PLCL2: variants seen among roughly 807,000 people sequenced by gnomAD.
PLCL2 encodes phospholipase C like 2.
In PLCL2, 4 loss-of-function variants were observed where a neutral mutation model predicts 79.6. The observed-to-expected ratio is 0.05, with a 90% CI of 0.02 to 0.11. PLCL2 has a LOEUF of 0.11. PLCL2 is among the 10% of genes least tolerant of loss of function. The pLI is 1.00. For missense variants in PLCL2, 895 were observed against 1,291.0 expected, an observed-to-expected ratio of 0.69 and a Z score of 4.70; for synonymous variants, 484 against 457.7, an observed-to-expected ratio of 1.06 and a Z score of -0.73.
At chr3:16,901,207 T>A (rs1295642295) in intron 1 of PLCL2, among the ~76,000 whole-genome samples, 1 of 152,226 alleles carries the variant, frequency 6.6e-6, no homozygotes, top group Non-Finnish European at 1.5e-5. Context: ...CAACAGTATC[T>A]CCCCTGGCCA....
intron 1 of PLCL2, among the ~76,000 whole-genome samples, chr3:16,971,673 A>G (rs543219376): frequency 1.3e-5 from 2 of 152,128 alleles, no homozygotes; most frequent in Non-Finnish European, 2.9e-5. Flanking sequence ...GATTCTTCCT[A>G]CCCATGAGCA....
At position 17,090,034 on chromosome 3, in the gene PLCL2, A is replaced by G. The variant is rs2065257765; in HGVS notation, c.*122A>G. Reference sequence around the variant, plus strand: ...CGGGATTTTAAAGCACAACTGGAATAGCTAATTACAGTCTATTAAAACTGT... The same window carrying G: ...CGGGATTTTAAAGCACAACTGGAATGGCTAATTACAGTCTATTAAAACTGT... On this transcript the variant is annotated 3_prime_UTR_variant, in exon 6 of 6. Coordinates refer to ENST00000615277, the MANE Select transcript of PLCL2 (RefSeq NM_001144382.2). 6.3e-6 allele frequency: 9 copies of G among 1,418,984 alleles called. No homozygotes were observed. Among genetic ancestry groups the G allele is most frequent in the Non-Finnish European group, 8.3e-6 (9 of 1,083,104 alleles). 87.9% of individuals were successfully genotyped at this position (1,418,984 alleles called of 1,614,324 possible). A position where few individuals can be genotyped will look rare whatever the true frequency, so the allele number is the denominator to read the frequency against.
intron 4 of PLCL2, among the ~76,000 whole-genome samples, chr3:17,052,253 AT>A (rs2064849183): frequency 1.0e-5 from 1 of 99,998 alleles, no homozygotes. Context: ...AAAAAAAAAA[AT>A]TGGGGGGGGG....
chr3:16,991,523 C>G (rs2064105226), intron 1 of PLCL2, among the ~76,000 whole-genome samples: 1 of 152,036 alleles, frequency 6.6e-6, no homozygotes, highest in African/African-American at 2.4e-5. Context: ...CTTTTTAATT[C>G]TTAAAGAAAA....
At chr3:17,045,690 G>T (rs111679589) in intron 4 of PLCL2, among the ~76,000 whole-genome samples, 123 of 152,260 alleles carry the variant, frequency 8.1e-4, no homozygotes, top group African/African-American at 2.8e-3. Context: ...AAACCATGTT[G>T]CTAGGAGTAT....
intron 1 of PLCL2, among the ~76,000 whole-genome samples, chr3:17,001,746 G>T (rs2064213366): frequency 6.6e-6 from 1 of 151,996 alleles, no homozygotes; most frequent in African/African-American, 2.4e-5. Flanking sequence ...TGCTGTTTTG[G>T]TTACTATAGC....
At chr3:16,986,118 A>G (rs2064048243) in intron 1 of PLCL2, among the ~76,000 whole-genome samples, 1 of 152,078 alleles carries the variant, frequency 6.6e-6, no homozygotes, top group Non-Finnish European at 1.5e-5. Flanking sequence ...GCAGCCAGCC[A>G]TCAACCCAAC....
intron 3 of PLCL2, among the ~76,000 whole-genome samples, chr3:17,033,952 G>A (rs2064614062): frequency 6.6e-6 from 1 of 152,156 alleles, no homozygotes; most frequent in South Asian, 2.1e-4. Flanking sequence ...GGTTTTTATT[G>A]CACAATTTTG....
At chr3:16,998,580 A>G (rs1183081297) in intron 1 of PLCL2, among the ~76,000 whole-genome samples, 1 of 152,216 alleles carries the variant, frequency 6.6e-6, no homozygotes, top group East Asian at 1.9e-4. Context: ...TCACTAGTGT[A>G]ATTTATAGGA....
intron 1 of PLCL2, among the ~76,000 whole-genome samples, chr3:16,906,158 T>G (rs1431989836): frequency 7.2e-5 from 11 of 152,170 alleles, no homozygotes; most frequent in Admixed American, 7.2e-4. Flanking sequence ...TAAAGGTCCT[T>G]TTTTCCCTTC....
intron 5 of PLCL2, among the ~76,000 whole-genome samples, chr3:17,083,912 G>A (rs139149856): frequency 8.2e-4 from 125 of 152,136 alleles, no homozygotes; most frequent in Middle Eastern, 6.8e-3. Flanking sequence ...TAGGCATTTT[G>A]GTAGGTACTA....
In PLCL2 at chr3:16,975,317, C is replaced by T. The variant is rs560028244; in HGVS notation, c.328-34357C>T. Among the ~76,000 whole-genome samples the T allele has an allele frequency of 9.5e-4, 145 of 152,244 alleles. 1 individual carries two copies. The South Asian group carries it at 0.015, about 15-fold the overall frequency. On this transcript the variant is annotated intron_variant, in intron 1 of 5. Coordinates refer to ENST00000615277, the MANE Select transcript of PLCL2 (RefSeq NM_001144382.2). ...TGAGTCTATGATTTGGTTCCTTATT[C>T]GCTTACTCATGGCATAGCTCAGTGA...
intron 4 of PLCL2, among the ~76,000 whole-genome samples, chr3:17,057,208 A>C (rs2064900386): frequency 6.6e-6 from 1 of 152,208 alleles, no homozygotes. Flanking sequence ...TTTATAATGC[A>C]ACTTATCCCC....
chr3:16,899,357 G>A (rs1351980276), intron 1 of PLCL2, among the ~76,000 whole-genome samples: 2 of 152,238 alleles, frequency 1.3e-5, no homozygotes, highest in Non-Finnish European at 2.9e-5. Flanking sequence ...TATCTAAACA[G>A]AGCAGCCCAT....
At chr3:16,922,982 C>T (rs1365635139) in intron 1 of PLCL2, among the ~76,000 whole-genome samples, 7 of 152,016 alleles carry the variant, frequency 4.6e-5, no homozygotes, top group Non-Finnish European at 7.4e-5. Flanking sequence ...AACAATAACC[C>T]CTCTATAATA....
At chr3:16,902,913 A>G (rs931112797) in intron 1 of PLCL2, among the ~76,000 whole-genome samples, 11 of 150,652 alleles carry the variant, frequency 7.3e-5, no homozygotes, top group Non-Finnish European at 1.6e-4. Context: ...AAGGAATCAT[A>G]CAAGTATGTA....
chr3:16,931,742 C>A (rs912636322), intron 1 of PLCL2, among the ~76,000 whole-genome samples: 14 of 152,100 alleles, frequency 9.2e-5, no homozygotes, highest in Non-Finnish European at 1.9e-4. Flanking sequence ...ATAACACCTC[C>A]CTGACAAGGT....
intron 1 of PLCL2, among the ~76,000 whole-genome samples, chr3:16,914,333 T>G (rs755490815): frequency 1.7e-4 from 26 of 152,224 alleles, no homozygotes; most frequent in Non-Finnish European, 3.5e-4. Context: ...AATTTAATTG[T>G]CTTAAACACT....
In PLCL2 at chr3:17,010,757, G is replaced by A. The variant is rs2064312472; in HGVS notation, c.1411G>A (p.Glu471Lys). Residue 471 changes from glutamate to lysine, a missense_variant, in exon 2 of 6, where the codon GAA (glutamate) becomes AAA (lysine). Around this residue, in one of 6 missense-constraint regions of PLCL2, gnomAD observed 242 missense variants for 399.5 expected, o/e 0.61. Coordinates refer to ENST00000615277, the MANE Select transcript of PLCL2 (RefSeq NM_001144382.2). This position sits in a 1 kb window ranked among gnomAD's most constrained non-coding sequence, Gnocchi z 5.8. ...RALKMGCRSV[E>K]LDVWDGPDNE... ...TCTTAAAATGGGTTGCCGGAGTGTT[G>A]AATTAGATGTATGGGATGGGCCGGA... 1 of 1,614,140 alleles carries A rather than the reference G, an allele frequency of 6.2e-7. No homozygotes were observed.
Sources: gnomAD v4.1 joint callset for allele counts (sites outside exome capture counted in the v4.1 genomes callset) on GRCh38, gnomAD v4.1.1 for gene constraint, gnomAD v4.1.1 regional missense constraint, Gnocchi (gnomAD v3.1) non-coding constraint, MANE v1.5 for transcripts, NCBI Gene and HGNC (gene_info 2026-07-23, HGNC 2026-07-21) for gene names.